The following EIF2B3 variants were observed in gnomAD, a reference collection of about 807,000 sequenced individuals.
EIF2B3 encodes translation initiation factor eIF2B subunit gamma.
EIF2B3 carries 20 observed loss-of-function variants against 54.1 expected under a neutral mutation model. That is an observed-to-expected ratio of 0.37 (90% confidence interval 0.26 to 0.54). EIF2B3 has a LOEUF of 0.54. Among genes scored for constraint, EIF2B3 ranks in the 20% least tolerant of loss-of-function variants. The pLI, the probability that EIF2B3 is intolerant of heterozygous loss-of-function variation, is 0.86. For synonymous variants in EIF2B3, 153 were observed against 188.1 expected (o/e 0.81, Z 1.52); for missense variants, 448 against 547.8 (o/e 0.82, Z 1.82).
At chr1:44,979,960 C>T (rs1203492005) in intron 2 of EIF2B3, among the ~76,000 whole-genome samples, 2 of 151,482 alleles carry the variant, frequency 1.3e-5, no homozygotes, top group African/African-American at 4.9e-5. Context: ...GGTGAGACTC[C>T]AACATTTTAA....
chr1:44,889,489 AT>A (rs1655723977), intron 6 of EIF2B3, among the ~76,000 whole-genome samples: 1 of 151,912 alleles, frequency 6.6e-6, no homozygotes, highest in Admixed American at 6.6e-5. Context: ...GTGAGCTGAG[AT>A]TATGCCACTG....
chr1:44,950,082 G>C (rs1284789767), intron 3 of EIF2B3, among the ~76,000 whole-genome samples: 1 of 152,044 alleles, frequency 6.6e-6, no homozygotes, highest in Non-Finnish European at 1.5e-5. Flanking sequence ...TCACTCTAAA[G>C]GGAAGTTCAT....
At chr1:44,886,362 T>G (rs1333910224) in intron 6 of EIF2B3, among the ~76,000 whole-genome samples, 1 of 152,160 alleles carries the variant, frequency 6.6e-6, no homozygotes, top group African/African-American at 2.4e-5. Context: ...TTACAGGCGT[T>G]AGCCACTGTG....
In EIF2B3 at chr1:44,941,751, A is replaced by G. The variant is rs114327055; in HGVS notation, c.295-86T>C. ...ACAAGACAAAATTAGGATGGCTTAA[A>G]ACCACACAAATCAGACAATACTCTT... On this transcript the variant is annotated intron_variant, in intron 3 of 11. Transcript: ENST00000360403. 1,027 of 1,473,538 alleles carry G rather than the reference A, an allele frequency of 7.0e-4. 7 individuals carry two copies. The African/African-American group carries it at 0.013, about 18-fold the overall frequency. The allele number at this position is 1,473,538 out of a possible 1,614,324, so 91.3% of individuals were successfully genotyped here.
intron 3 of EIF2B3, among the ~76,000 whole-genome samples, chr1:44,942,417 ATTT>A (rs34978668): frequency 3.9e-4 from 2 of 5,190 alleles, no homozygotes; most frequent in East Asian, 0.013. Context: ...ATATATATAT[ATTT>A]TTTTTTTTTT....
intron 6 of EIF2B3, among the ~76,000 whole-genome samples, chr1:44,896,220 ATTTTT>A (rs1421263790): frequency 1.3e-5 from 2 of 151,806 alleles, no homozygotes; most frequent in African/African-American, 4.8e-5. Flanking sequence ...GAATGAAAAC[ATTTTT>A]CAGAGGTCAG....
rs114941823 is a variant in EIF2B3, at chr1:44,864,234, G to A, written c.1203-6427C>T. Reference sequence around the variant, plus strand: ...CATTAGGAGCCCCTTTAATCCAGGGGATCTTCCCAAAGTGTCATAATTTGG... The same window carrying A: ...CATTAGGAGCCCCTTTAATCCAGGGAATCTTCCCAAAGTGTCATAATTTGG... On this transcript the variant is annotated intron_variant, in intron 10 of 11. Transcript: ENST00000360403. 3.0e-3 allele frequency among the ~76,000 whole-genome samples: 453 copies of A among 152,200 alleles called. 1 individual carries two copies. Among genetic ancestry groups the A allele is most frequent in the African/African-American group, 0.011 (439 of 41,530 alleles).
rs979689230 is a variant in EIF2B3, at chr1:44,859,892, G to A, written c.1203-2085C>T. Among the ~76,000 whole-genome samples, 5 of 151,862 alleles carry A rather than the reference G, an allele frequency of 3.3e-5. No homozygotes were observed. In the South Asian group the frequency reaches 1.0e-3, roughly 32 times the overall value. ...CTGCCTCAGCCCCCCAAGTAGCTGGGATTACAGGTGCCTGCCACCACACCT... is the reference window on the plus strand; with the variant it reads ...CTGCCTCAGCCCCCCAAGTAGCTGGAATTACAGGTGCCTGCCACCACACCT... On this transcript the variant is annotated intron_variant, in intron 10 of 11. Coordinates refer to ENST00000360403, the MANE Select transcript of EIF2B3 (RefSeq NM_020365.5).
intron 5 of EIF2B3, among the ~76,000 whole-genome samples, chr1:44,917,562 T>C (rs1369202631): frequency 1.3e-5 from 2 of 151,550 alleles, no homozygotes; most frequent in Non-Finnish European, 2.9e-5. Context: ...GTATTATATA[T>C]CTTGCTCTTA....
intron 3 of EIF2B3, among the ~76,000 whole-genome samples, chr1:44,967,300 A>G (rs1181646530): frequency 6.6e-6 from 1 of 151,024 alleles, no homozygotes; most frequent in African/African-American, 2.4e-5. Context: ...TACAAAAATT[A>G]GCCAGGCATG....
chr1:44,952,678 G>A (rs567921223), intron 3 of EIF2B3, among the ~76,000 whole-genome samples: 12 of 150,004 alleles, frequency 8.0e-5, no homozygotes, highest in Admixed American at 1.3e-4. Context: ...TCAGCCTCCC[G>A]AGTAGCTGGG....
At chr1:44,868,149 A>G (rs940752481) in intron 10 of EIF2B3, among the ~76,000 whole-genome samples, 2 of 152,154 alleles carry the variant, frequency 1.3e-5, no homozygotes, top group Non-Finnish European at 2.9e-5. Context: ...CTGTAATCCC[A>G]GTACTTTGGG....
intron 3 of EIF2B3, chr1:44,958,874 T>A: frequency 1.2e-6 from 1 of 858,982 alleles, no homozygotes; most frequent in Non-Finnish European, 2.0e-6. Context: ...AACATCTCTA[T>A]CAAGAACACA....
intron 3 of EIF2B3, among the ~76,000 whole-genome samples, chr1:44,942,406 T>TATAC (rs1557696990): frequency 4.4e-5 from 1 of 22,900 alleles, no homozygotes; most frequent in African/African-American, 2.6e-4. Flanking sequence ...TATATATATA[T>TATAC]ATATATATAT....
At chr1:44,917,187 AC>A (rs1643639479) in intron 5 of EIF2B3, among the ~76,000 whole-genome samples, 1 of 152,222 alleles carries the variant, frequency 6.6e-6, no homozygotes, top group Non-Finnish European at 1.5e-5. Flanking sequence ...CTTAGAACAC[AC>A]TATACTCTTA....
intron 2 of EIF2B3, among the ~76,000 whole-genome samples, chr1:44,980,397 T>G (rs1466775808): frequency 6.6e-6 from 1 of 151,796 alleles, no homozygotes; most frequent in Non-Finnish European, 1.5e-5. Flanking sequence ...CCGGGAGAGG[T>G]TGAACCCTGG....
At chr1:44,981,235 A>G in intron 1 of EIF2B3, 58 bp from the exon 2 acceptor site, 1 of 1,565,402 alleles carries the variant, frequency 6.4e-7, no homozygotes, top group Non-Finnish European at 8.8e-7. Context: ...AAATCAAAGC[A>G]CACATACTAC....
chr1:44,957,693 G>A (rs908881601), intron 3 of EIF2B3, among the ~76,000 whole-genome samples: 3 of 152,082 alleles, frequency 2.0e-5, no homozygotes, highest in African/African-American at 7.2e-5. Flanking sequence ...CCTGAGAGGT[G>A]AAGGCTGCAG....
In EIF2B3 at chr1:44,982,687, A is replaced by G. The variant is rs115782243; in HGVS notation, c.-9-1510T>C. ...AAGATCATGGCTCACTGCAGCCTCA[A>G]CCTCCTGCACTAAAGCAATCCTCCT... On this transcript the variant is annotated intron_variant, in intron 1 of 11. Coordinates refer to ENST00000360403, the MANE Select transcript of EIF2B3 (RefSeq NM_020365.5). Among the ~76,000 whole-genome samples the G allele has an allele frequency of 4.6e-3, 699 of 151,260 alleles. 4 individuals carry two copies. The highest frequency in any genetic ancestry group is 0.016 in the African/African-American group (639 of 41,110).
Sources: gnomAD v4.1 joint callset for allele counts (sites outside exome capture counted in the v4.1 genomes callset) on GRCh38, gnomAD v4.1.1 for gene constraint, MANE v1.5 for transcripts, NCBI Gene and HGNC (gene_info 2026-07-23, HGNC 2026-07-21) for gene names.